Variants in MYO1C observed in about 807,000 individuals in gnomAD.
MYO1C encodes the protein unconventional myosin-Ic.
A neutral mutation model predicts 150.8 loss-of-function variants in MYO1C; 104 were observed. That is an observed-to-expected ratio of 0.69 (90% CI 0.59 to 0.81). The LOEUF is 0.81. Ranked by LOEUF, MYO1C falls within the 30% of genes least tolerant of loss-of-function variation. MYO1C has a pLI of 0.00. For missense variants in MYO1C, 1,504 were observed against 1,435.0 expected, an observed-to-expected ratio of 1.05 and a Z score of -0.78; for synonymous variants, 663 against 579.9, an observed-to-expected ratio of 1.14 and a Z score of -2.06.
At chr17:1,491,570 G>A (rs1364162213) in intron 1 of MYO1C, 58 of 962,652 alleles carry the variant, frequency 6.0e-5, no homozygotes, top group Non-Finnish European at 4.2e-5. Context: ...CGCCCCCCGC[G>A]GCCGCCGTCC....
chr17:1,468,031 C>G lies in MYO1C; in HGVS notation c.2853G>C (p.Glu951Asp), dbSNP rs138350458. The G allele has an allele frequency of 1.9e-6, 3 of 1,612,962 alleles. No individual in the cohort carries two copies. In the African/African-American group the frequency reaches 4.0e-5, roughly 22 times the overall value. ...CAATCCTCTGCTTGACTTTGGCGTC[C>G]TCCACGATGACGACGGCGTTGGGCG... ...LLTPNAVVIV[E>D]DAKVKQRIDY... The change falls in exon 28 of 32, where the codon GAG (glutamate) becomes GAC (aspartate). Residue 951 changes from glutamate (E) to aspartate (D), a missense_variant. By Grantham distance (45) the Glu-to-Asp change is conservative (BLOSUM62 2). Coordinates refer to ENST00000648651, the MANE Select transcript of MYO1C (RefSeq NM_001080779.2).
At chr17:1,473,601 CCT>C (rs2074346419) in intron 17 of MYO1C, among the ~76,000 whole-genome samples, 2 of 152,082 alleles carry the variant, frequency 1.3e-5, no homozygotes, top group Non-Finnish European at 2.9e-5. Context: ...CTGGGGCTCC[CCT>C]GACCCTCTTT....
At chr17:1,468,917 A>ACTG in intron 25 of MYO1C, 1 of 319,844 alleles carries the variant, frequency 3.1e-6, no homozygotes. Context: ...CAGGGCAGAT[A>ACTG]TCACCAATCG....
chr17:1,488,064 C>T (rs2074687026), intron 1 of MYO1C, among the ~76,000 whole-genome samples: 1 of 152,078 alleles, frequency 6.6e-6, no homozygotes, highest in Admixed American at 6.5e-5. Context: ...CCCTGCCCCG[C>T]GAGGCGTGGG....
chr17:1,483,039 A>G lies in MYO1C; in HGVS notation c.368T>C (p.Val123Ala). ...PPHLFAVADTVYRALRTERRD... is the reference protein window; with the variant it reads ...PPHLFAVADTAYRALRTERRD... ...ACGCTCCGTGCGCAGTGCTCGGTAC[A>G]CAGTGTCCGCCACGGCAAACCTGGG... Residue 123 changes from valine (V) to alanine (A), a missense_variant, in exon 4 of 32, where the codon GTG becomes GCG. Physicochemically the swap from Val to Ala is moderately conservative, Grantham distance 64 (BLOSUM62 0). Coordinates refer to ENST00000648651, the MANE Select transcript of MYO1C (RefSeq NM_001080779.2). 2.5e-6 allele frequency: 4 copies of G among 1,610,032 alleles called. No individual in the cohort carries two copies. The highest frequency in any genetic ancestry group is 3.4e-6 in the Non-Finnish European group (4 of 1,179,246).
At chr17:1,472,363 C>G in intron 17 of MYO1C, 135 bp from the exon 18 acceptor site, 1 of 735,716 alleles carries the variant, frequency 1.4e-6, no homozygotes, top group Admixed American at 2.3e-5. Context: ...CTCCTCCCAC[C>G]ACAGCTTCCT....
Position 1,492,607 on chromosome 17 carries a change from A to G in MYO1C, c.-120T>C. The G allele has an allele frequency of 1.1e-6, 1 of 913,926 alleles. No individual in the cohort carries two copies. The highest frequency in any genetic ancestry group is 1.7e-6 in the Non-Finnish European group (1 of 575,372). The allele number at this position is 913,926 out of a possible 1,614,324, so 56.6% of individuals were successfully genotyped here. A position where few individuals can be genotyped will look rare whatever the true frequency, so the allele number is the denominator to read the frequency against. Reference sequence around the variant, plus strand: ...CCTACGGTCTAACGCCGGGATGGCCACTTGGTTCTGCTTCAACTGCAGCCC... The same window carrying G: ...CCTACGGTCTAACGCCGGGATGGCCGCTTGGTTCTGCTTCAACTGCAGCCC... On this transcript the variant is annotated 5_prime_UTR_variant, in exon 1 of 32. Transcript: ENST00000648651.
At chr17:1,467,148 G>T in intron 31 of MYO1C, 94 bp downstream of exon 31, 2 of 1,175,558 alleles carry the variant, frequency 1.7e-6, no homozygotes, top group Non-Finnish European at 2.5e-6. Context: ...CTGGATGAAG[G>T]CCCATGGTGA....
In MYO1C at chr17:1,477,607, T is replaced by A. The variant is rs774446305; in HGVS notation, c.1483-11A>T. ...CAGACACTCCTCATCCTGGGGGGTG[T>A]GGCACAGGGGGAAGGACGTATGGGG... is the stretch of plus-strand genomic sequence containing the variant. On this transcript the variant is annotated splice_polypyrimidine_tract_variant and intron_variant, in intron 13 of 31. Coordinates refer to ENST00000648651, the MANE Select transcript of MYO1C (RefSeq NM_001080779.2). 4.3e-6 allele frequency: 7 copies of A among 1,609,544 alleles called. No homozygotes were observed. Among genetic ancestry groups the A allele is most frequent in the Non-Finnish European group, 5.1e-6 (6 of 1,176,966 alleles).
At chr17:1,468,685 AC>A in intron 25 of MYO1C, 189 bp from the exon 26 acceptor site, 1 of 615,428 alleles carries the variant, frequency 1.6e-6, no homozygotes, top group Non-Finnish European at 2.9e-6. Flanking sequence ...CTCTGCCGCC[AC>A]CAAGCACTCC....
intron 17 of MYO1C, among the ~76,000 whole-genome samples, chr17:1,474,219 G>A (rs1177135122): frequency 6.6e-6 from 1 of 152,094 alleles, no homozygotes; most frequent in Non-Finnish European, 1.5e-5. Context: ...CCGAGGTCAG[G>A]AGTTTGAGAC....
intron 31 of MYO1C, among the ~76,000 whole-genome samples, chr17:1,466,192 T>C (rs1246332359): frequency 6.9e-6 from 1 of 145,008 alleles, no homozygotes; most frequent in Non-Finnish European, 1.5e-5. Flanking sequence ...AGGGTCTCAT[T>C]TTGTCACCCA....
chr17:1,476,367 T>C (rs772410357), intron 14 of MYO1C, among the ~76,000 whole-genome samples: 7 of 152,172 alleles, frequency 4.6e-5, no homozygotes, highest in Non-Finnish European at 8.8e-5. Context: ...GAGATAGGGT[T>C]TCACCATGTT....
Position 1,484,173 on chromosome 17 carries a change from C to A in MYO1C, c.206G>T (p.Arg69Leu), listed in dbSNP as rs780532065. The A allele has an allele frequency of 1.2e-6, 2 of 1,612,944 alleles. No individual in the cohort carries two copies. The highest frequency in any genetic ancestry group is 2.2e-5 in the East Asian group (1 of 44,886). The change falls in exon 2 of 32, where the codon CGG becomes CTG. Residue 69 changes from arginine (R) to leucine (L), a missense_variant. Physicochemically the swap from Arg to Leu is moderately radical, Grantham distance 102. Coordinates refer to ENST00000648651, the MANE Select transcript of MYO1C (RefSeq NM_001080779.2). Reference sequence around the variant, plus strand: ...GTAGATGAGATTCTCCCGAAATCGCCGCCGCAGGTTCTCGATGAAGGCGGC... The same window carrying A: ...GTAGATGAGATTCTCCCGAAATCGCAGCCGCAGGTTCTCGATGAAGGCGGC... Reference protein sequence around the residue: ...SEAAFIENLRRRFRENLIYTY... With the variant: ...SEAAFIENLRLRFRENLIYTY...
rs766454606 is a variant in MYO1C, at chr17:1,478,416, T to C, written c.1289A>G (p.His430Arg). The C allele has an allele frequency of 2.5e-6, 4 of 1,614,170 alleles. No homozygotes were observed. The highest frequency in any genetic ancestry group is 2.2e-5 in the East Asian group (1 of 44,878). The change falls in exon 11 of 32, where the codon CAT becomes CGT. Residue 430 changes from histidine (H) to arginine (R), a missense_variant. By Grantham distance (29) the His-to-Arg change is conservative (BLOSUM62 0). Coordinates refer to ENST00000648651, the MANE Select transcript of MYO1C (RefSeq NM_001080779.2). The surrounding 1 kb of genome is among the most constrained non-coding windows in gnomAD (Gnocchi z 6.3). The stretch of plus-strand genomic sequence containing the variant: ...GGGGAAAGATGGCACCGACCTGTTA[T>C]GCTGAAACACTTCAAAGCCATAAAT... ...LDIYGFEVFQ[H>R]NSFEQFCINY...
intron 17 of MYO1C, among the ~76,000 whole-genome samples, chr17:1,473,013 C>G (rs1456098912): frequency 6.6e-6 from 1 of 152,128 alleles, no homozygotes; most frequent in Non-Finnish European, 1.5e-5. Context: ...CTAGCCTGGC[C>G]AACATGGTGA....
At chr17:1,491,457 C>CCCT (rs1555524138) in intron 1 of MYO1C, 2 of 250,518 alleles carry the variant, frequency 8.0e-6, no homozygotes, top group Non-Finnish European at 1.3e-5. Context: ...ACCCCCCCCC[C>CCCT]CCGCACGGGT....
rs1194770983 is a variant in MYO1C, at chr17:1,468,027, C to T, written c.2857G>A (p.Ala953Thr). ...TAATCAATCCTCTGCTTGACTTTGG[C>T]GTCCTCCACGATGACGACGGCGTTG... ...TPNAVVIVED[A>T]KVKQRIDYAN... Residue 953 changes from alanine (A) to threonine (T), a missense_variant, in exon 28 of 32, where the codon GCC becomes ACC. Physicochemically the swap from Ala to Thr is moderately conservative, Grantham distance 58. Transcript: ENST00000648651. 6.8e-6 allele frequency: 11 copies of T among 1,612,812 alleles called. No homozygotes were observed. Among genetic ancestry groups the T allele is most frequent in the African/African-American group, 1.3e-5 (1 of 74,578 alleles).
rs751653778 is a variant in MYO1C, at chr17:1,472,033, G to T, written c.1904-9C>A. On this transcript the variant is annotated splice_polypyrimidine_tract_variant and intron_variant, in intron 18 of 31. Coordinates refer to ENST00000648651, the MANE Select transcript of MYO1C (RefSeq NM_001080779.2). ...CACCTCGTCAAAGCGGCCTGGGGTA[G>T]GGGGAGCGCCGTGGTCAGCGGGCTG... 1 of 1,613,784 alleles carries T rather than the reference G, an allele frequency of 6.2e-7. No homozygotes were observed. Among genetic ancestry groups the T allele is most frequent in the Admixed American group, 1.7e-5 (1 of 60,028 alleles).
Sources: gnomAD v4.1 joint callset for allele counts (sites outside exome capture counted in the v4.1 genomes callset) on GRCh38, gnomAD v4.1.1 for gene constraint, Gnocchi (gnomAD v3.1) non-coding constraint, MANE v1.5 for transcripts, NCBI Gene and HGNC (gene_info 2026-07-23, HGNC 2026-07-21) for gene names.